RCOR1: variants seen among roughly 807,000 people sequenced by gnomAD.
The protein encoded by RCOR1 is REST corepressor 1.
A neutral mutation model predicts 64.0 loss-of-function variants in RCOR1; 12 were observed. That is an observed-to-expected ratio of 0.19 (90% CI 0.12 to 0.30). The LOEUF (loss-of-function observed/expected upper bound fraction) is 0.30. RCOR1 is among the 10% of genes least tolerant of loss of function. The probability of loss-of-function intolerance (pLI) is 1.00; values close to 1 mark genes in which losing one functional copy is unlikely to be tolerated. For missense variants in RCOR1, 502 were observed against 621.2 expected (o/e 0.81, Z 2.04); for synonymous variants, 279 against 227.2 (o/e 1.23, Z -2.05).
intron 2 of RCOR1, among the ~76,000 whole-genome samples, chr14:102,617,531 C>G (rs1339054931): frequency 2.7e-5 from 4 of 150,646 alleles, no homozygotes; most frequent in Non-Finnish European, 5.9e-5. Context: ...GTACACTGAT[C>G]TTTGCTGTGA....
chr14:102,608,536 G>C (rs913727717), intron 2 of RCOR1, among the ~76,000 whole-genome samples: 1 of 152,080 alleles, frequency 6.6e-6, no homozygotes, highest in African/African-American at 2.4e-5. Flanking sequence ...CCTCGTTCAA[G>C]CGATTCTCCT....
At chr14:102,689,287 T>C (rs544924743) in intron 3 of RCOR1, among the ~76,000 whole-genome samples, 16 of 152,166 alleles carry the variant, frequency 1.1e-4, no homozygotes, top group Non-Finnish European at 1.9e-4. Context: ...TAGATTAATC[T>C]GAGGATTTTT....
chr14:102,681,764 A>T, intron 2 of RCOR1, 131 bp from the exon 3 acceptor site: 1 of 608,694 alleles, frequency 1.6e-6, no homozygotes, highest in Admixed American at 2.6e-5. Flanking sequence ...CCTCACTCTG[A>T]TGTTAAGTGT....
chr14:102,647,501 A>G (rs1259925076), intron 2 of RCOR1, among the ~76,000 whole-genome samples: 5 of 151,714 alleles, frequency 3.3e-5, no homozygotes, highest in Non-Finnish European at 7.4e-5. Flanking sequence ...TATTTTTAGT[A>G]GAGACGGGGT....
intron 2 of RCOR1, among the ~76,000 whole-genome samples, chr14:102,615,787 A>G (rs1406601718): frequency 3.9e-5 from 6 of 152,108 alleles, no homozygotes; most frequent in South Asian, 2.1e-4. Flanking sequence ...TTGCTATTAA[A>G]CAAGTTTGAA....
chr14:102,629,253 C>T (rs771765009), intron 2 of RCOR1, among the ~76,000 whole-genome samples: 4 of 152,170 alleles, frequency 2.6e-5, no homozygotes, highest in Admixed American at 6.5e-5. Context: ...CCTCATCAGT[C>T]TGTCTCAGTT....
chr14:102,702,290 C>T (rs1425325417), intron 4 of RCOR1, among the ~76,000 whole-genome samples: 1 of 152,000 alleles, frequency 6.6e-6, no homozygotes, highest in African/African-American at 2.4e-5. Flanking sequence ...TGTATGAATT[C>T]TTAAGGATGG....
At position 102,728,219 on chromosome 14, in the gene RCOR1, T is replaced by A. The variant is rs1402274655; in HGVS notation, c.*1713T>A. On this transcript the variant is annotated 3_prime_UTR_variant, in exon 12 of 12. Coordinates refer to ENST00000262241, the MANE Select transcript of RCOR1 (RefSeq NM_015156.4). ...AGAGAAAGGTCATTCAAAAGGAAAGTACAATGGGACTTGCTGCCCTTCATC... is the reference window on the plus strand; with the variant it reads ...AGAGAAAGGTCATTCAAAAGGAAAGAACAATGGGACTTGCTGCCCTTCATC... 1 of 152,112 alleles carries A rather than the reference T, an allele frequency of 6.6e-6. No homozygotes were observed. The highest frequency in any genetic ancestry group is 1.9e-4 in the East Asian group (1 of 5,190). The allele number at this position is 152,112 out of a possible 1,614,324, so 9.4% of individuals were successfully genotyped here.
chr14:102,644,457 G>T (rs1224635077), intron 2 of RCOR1, among the ~76,000 whole-genome samples: 6 of 152,116 alleles, frequency 3.9e-5, no homozygotes, highest in Non-Finnish European at 2.9e-5. Flanking sequence ...ACCACCTTTG[G>T]AAAACACAAT....
intron 6 of RCOR1, among the ~76,000 whole-genome samples, chr14:102,709,956 C>T (rs1265503446): frequency 6.6e-6 from 1 of 152,132 alleles, no homozygotes; most frequent in Non-Finnish European, 1.5e-5. Flanking sequence ...AAGTGCTTTG[C>T]CTCCACCTCC....
chr14:102,672,458 C>T (rs1008333717), intron 2 of RCOR1, among the ~76,000 whole-genome samples: 9 of 152,086 alleles, frequency 5.9e-5, no homozygotes, highest in East Asian at 3.9e-4. Flanking sequence ...ATGATCCGCC[C>T]GCCTCGGCTT....
Position 102,598,940 on chromosome 14 carries a change from T to C in RCOR1, c.361+5615T>C, listed in dbSNP as rs1484232029. ...TTAACTTAGGCTTTGTTCTTACATG[T>C]GTTGTCCAGACTGCCTTTCCATGCT... is the stretch of plus-strand genomic sequence containing the variant. On this transcript the variant is annotated intron_variant, in intron 2 of 11. Coordinates refer to ENST00000262241, the MANE Select transcript of RCOR1 (RefSeq NM_015156.4). Among the ~76,000 whole-genome samples the C allele has an allele frequency of 2.0e-5, 3 of 152,164 alleles. No homozygotes were observed. The East Asian group carries it at 5.8e-4, about 29-fold the overall frequency.
In RCOR1 at chr14:102,730,308, C is replaced by T. The variant is rs1001553161; in HGVS notation, c.*3802C>T. 3.1e-5 allele frequency: 9 copies of T among 292,028 alleles called. No homozygotes were observed. Among genetic ancestry groups the T allele is most frequent in the South Asian group, 1.6e-4 (1 of 6,070 alleles). 18.1% of individuals were successfully genotyped at this position (292,028 alleles called of 1,614,324 possible). On this transcript the variant is annotated 3_prime_UTR_variant, in exon 12 of 12. Transcript: ENST00000262241. ...ATATCTTTTGAAGTGATGAAATCCA[C>T]GTTGGAATTTTAAAGAAAATATGTT...
rs552211954 is a variant in RCOR1, at chr14:102,643,331, A to C, written c.362-38564A>C. On this transcript the variant is annotated intron_variant, in intron 2 of 11. Coordinates refer to ENST00000262241, the MANE Select transcript of RCOR1 (RefSeq NM_015156.4). ...ATTAGAAAAGATGTGAACAAACCTTATAGAGCTTCCAGGAAAGGAAGAAAG... is the reference window on the plus strand; with the variant it reads ...ATTAGAAAAGATGTGAACAAACCTTCTAGAGCTTCCAGGAAAGGAAGAAAG... The C allele has an allele frequency of 1.0e-4, 101 of 980,766 alleles. No individual in the cohort carries two copies. The Admixed American group carries it at 1.0e-3, about 10-fold the overall frequency. The allele number at this position is 980,766 out of a possible 1,614,324, so 60.8% of individuals were successfully genotyped here.
At chr14:102,612,296 C>G (rs1893647711) in intron 2 of RCOR1, among the ~76,000 whole-genome samples, 1 of 151,896 alleles carries the variant, frequency 6.6e-6, no homozygotes, top group Non-Finnish European at 1.5e-5. Context: ...CCCAAAGGTG[C>G]TAGGATTGCA....
chr14:102,652,350 C>CT (rs1425133713), intron 2 of RCOR1, among the ~76,000 whole-genome samples: 9 of 152,198 alleles, frequency 5.9e-5, no homozygotes, highest in Admixed American at 1.3e-4. Flanking sequence ...TAAAGAATGA[C>CT]TTAACAGTGA....
intron 2 of RCOR1, among the ~76,000 whole-genome samples, chr14:102,681,661 A>G (rs966020236): frequency 1.3e-5 from 2 of 152,344 alleles, no homozygotes; most frequent in East Asian, 1.9e-4. Flanking sequence ...TCTCATGCCT[A>G]AAAGCAGAGC....
chr14:102,609,407 A>G (rs1403521522), intron 2 of RCOR1, among the ~76,000 whole-genome samples: 1 of 151,974 alleles, frequency 6.6e-6, no homozygotes, highest in African/African-American at 2.4e-5. Flanking sequence ...TTTATACTCC[A>G]TGATTAACGT....
In RCOR1 at chr14:102,710,780, C is replaced by T. The variant is rs538021630; in HGVS notation, c.780-155C>T. On this transcript the variant is annotated intron_variant, in intron 6 of 11. Transcript: ENST00000262241. Reference sequence around the variant, plus strand: ...GTTTGAATTACAAAGATGTTTTTATCTCAGCAGCCTGAAAACATACTAATT... The same window carrying T: ...GTTTGAATTACAAAGATGTTTTTATTTCAGCAGCCTGAAAACATACTAATT... 495 of 615,982 alleles carry T rather than the reference C, an allele frequency of 8.0e-4. 6 individuals are homozygous for T. The highest frequency in any genetic ancestry group is 5.7e-3 in the South Asian group (276 of 48,304). 38.2% of individuals were successfully genotyped at this position (615,982 alleles called of 1,614,324 possible).
Sources: allele counts gnomAD v4.1 joint callset (sites outside exome capture counted in the v4.1 genomes callset), GRCh38; gene constraint gnomAD v4.1.1; transcripts MANE v1.5; gene names NCBI Gene and HGNC (gene_info 2026-07-23, HGNC 2026-07-21).